TESK2: variants seen among roughly 807,000 people sequenced by gnomAD.
TESK2 encodes the protein dual specificity testis-specific protein kinase 2.
A neutral mutation model predicts 57.1 loss-of-function variants in TESK2; 39 were observed. The ratio of observed to expected loss-of-function variants is 0.68; its 90% CI spans 0.53 to 0.89. The LOEUF is 0.89. Ranked by LOEUF, TESK2 falls within the 40% of genes least tolerant of loss-of-function variation. The pLI, the probability that TESK2 is intolerant of heterozygous loss-of-function variation, is 0.00. For missense variants in TESK2, 646 were observed against 732.1 expected, an observed-to-expected ratio of 0.88 and a Z score of 1.36; for synonymous variants, 249 against 267.9, an observed-to-expected ratio of 0.93 and a Z score of 0.69.
At chr1:45,413,115 C>A (rs527562122) in intron 3 of TESK2, among the ~76,000 whole-genome samples, 3 of 152,146 alleles carry the variant, frequency 2.0e-5, no homozygotes, top group Non-Finnish European at 4.4e-5. Flanking sequence ...GACTTCCTGG[C>A]GTAAACAACC....
At chr1:45,479,945 C>T (rs1315778290) in intron 1 of TESK2, among the ~76,000 whole-genome samples, 3 of 151,084 alleles carry the variant, frequency 2.0e-5, no homozygotes, top group African/African-American at 7.3e-5. Flanking sequence ...GTCTCAGCCT[C>T]CCGAGTAGCT....
At chr1:45,382,849 C>T (rs1305253167) in intron 4 of TESK2, among the ~76,000 whole-genome samples, 1 of 151,978 alleles carries the variant, frequency 6.6e-6, no homozygotes, top group Non-Finnish European at 1.5e-5. Flanking sequence ...GCCTGGGCAA[C>T]AAGAGTGAAA....
intron 2 of TESK2, among the ~76,000 whole-genome samples, chr1:45,453,239 C>T (rs1256525839): frequency 1.3e-5 from 2 of 148,192 alleles, no homozygotes; most frequent in Admixed American, 6.9e-5. Flanking sequence ...CCCAGCTACT[C>T]GGGAGGCTGA....
At chr1:45,396,970 C>T (rs1270149006) in intron 3 of TESK2, among the ~76,000 whole-genome samples, 2 of 151,824 alleles carry the variant, frequency 1.3e-5, no homozygotes, top group Non-Finnish European at 2.9e-5. Context: ...AAGCGTGCAC[C>T]ACCATGCCTG....
At chr1:45,462,670 T>C (rs1246030708) in intron 1 of TESK2, among the ~76,000 whole-genome samples, 1 of 152,218 alleles carries the variant, frequency 6.6e-6, no homozygotes, top group Non-Finnish European at 1.5e-5. Flanking sequence ...TTCCAAATCT[T>C]GGCTATTGTA....
At chr1:45,467,815 C>A (rs1652615023) in intron 1 of TESK2, among the ~76,000 whole-genome samples, 1 of 151,998 alleles carries the variant, frequency 6.6e-6, no homozygotes, top group Admixed American at 6.6e-5. Context: ...ATATATATAT[C>A]TTAGGCTAAA....
chr1:45,427,290 A>G (rs1650739082), intron 2 of TESK2, among the ~76,000 whole-genome samples: 1 of 151,926 alleles, frequency 6.6e-6, no homozygotes, highest in Non-Finnish European at 1.5e-5. Flanking sequence ...AGAAAGGGGT[A>G]AGCCTCGTGC....
At chr1:45,418,957 C>T (rs1650353628) in intron 3 of TESK2, among the ~76,000 whole-genome samples, 1 of 151,252 alleles carries the variant, frequency 6.6e-6, no homozygotes, top group Non-Finnish European at 1.5e-5. Context: ...GGTTCAAGTC[C>T]CCTCCTAGAA....
intron 4 of TESK2, among the ~76,000 whole-genome samples, chr1:45,366,010 T>A (rs1231943345): frequency 6.6e-6 from 1 of 152,078 alleles, no homozygotes; most frequent in Admixed American, 6.6e-5. Context: ...GGTTTCACCA[T>A]GTTGGCCAGG....
chr1:45,351,177 C>T (rs1647225214), intron 5 of TESK2, among the ~76,000 whole-genome samples: 1 of 152,258 alleles, frequency 6.6e-6, no homozygotes, highest in Non-Finnish European at 1.5e-5. Flanking sequence ...TTCTCAGCTG[C>T]CCCCAAGAGC....
chr1:45,466,323 A>G (rs1435335497), intron 1 of TESK2, among the ~76,000 whole-genome samples: 1 of 152,116 alleles, frequency 6.6e-6, no homozygotes, highest in Non-Finnish European at 1.5e-5. Flanking sequence ...AAAAATGCAA[A>G]AAATATCTGG....
At chr1:45,396,821 T>C (rs1289334077) in intron 3 of TESK2, among the ~76,000 whole-genome samples, 1 of 138,400 alleles carries the variant, frequency 7.2e-6, no homozygotes, top group Non-Finnish European at 1.6e-5. Context: ...TTTTTTTTTT[T>C]TTTTTTTGAG....
At position 45,408,274 on chromosome 1, in the gene TESK2, A is replaced by C. The variant is rs758996439; in HGVS notation, c.344+13451T>G. ...TAGTTCAGCTGGACATAGGATTCTA[A>C]GTAGGAAATCATTTTCTCTCAGAAA... On this transcript the variant is annotated intron_variant, in intron 3 of 10. Coordinates refer to ENST00000372086, the MANE Select transcript of TESK2 (RefSeq NM_007170.3). 2.8e-4 allele frequency among the ~76,000 whole-genome samples: 43 copies of C among 152,320 alleles called. 1 individual carries two copies. The Middle Eastern group carries it at 0.034, about 120-fold the overall frequency.
intron 5 of TESK2, 127 bp downstream of exon 5, chr1:45,355,176 C>T (rs12145694): frequency 1.7e-6 from 2 of 1,188,604 alleles, no homozygotes; most frequent in African/African-American, 1.6e-5. Flanking sequence ...TGTAGGCTTT[C>T]TAAGGACTAA....
chr1:45,376,278 T>C lies in TESK2; in HGVS notation c.393+9634A>G, dbSNP rs926122466. ...TGTCACCCAGGATAGAGCATAGTGG[T>C]GTGATTTCGGCTTTGTAGCCTCTGC... On this transcript the variant is annotated intron_variant, in intron 4 of 10. Coordinates refer to ENST00000372086, the MANE Select transcript of TESK2 (RefSeq NM_007170.3). 2.9e-5 allele frequency among the ~76,000 whole-genome samples: 4 copies of C among 139,780 alleles called. No individual in the cohort carries two copies. The East Asian group carries it at 8.7e-4, about 31-fold the overall frequency. 91.7% of individuals were successfully genotyped at this position (139,780 alleles called of 152,430 possible). A position where few individuals can be genotyped will look rare whatever the true frequency, so the allele number is the denominator to read the frequency against.
At chr1:45,470,094 TAA>T (rs1345068412) in intron 1 of TESK2, among the ~76,000 whole-genome samples, 3 of 152,118 alleles carry the variant, frequency 2.0e-5, no homozygotes, top group Non-Finnish European at 4.4e-5. Context: ...ACCCTAGATA[TAA>T]AGAGTAGAAA....
intron 3 of TESK2, among the ~76,000 whole-genome samples, chr1:45,389,091 A>AT (rs1350109906): frequency 6.6e-6 from 1 of 152,154 alleles, no homozygotes; most frequent in Non-Finnish European, 1.5e-5. Flanking sequence ...TTAATGGATT[A>AT]TTGCAGGAAT....
chr1:45,359,856 T>A (rs1383708714), intron 4 of TESK2, among the ~76,000 whole-genome samples: 2 of 152,096 alleles, frequency 1.3e-5, no homozygotes, highest in Non-Finnish European at 2.9e-5. Flanking sequence ...AGGGTGAGAC[T>A]CTGTCTCAAA....
intron 4 of TESK2, among the ~76,000 whole-genome samples, chr1:45,357,559 T>TAA (rs775657953): frequency 1.2e-4 from 14 of 115,028 alleles, no homozygotes; most frequent in South Asian, 2.7e-4. Flanking sequence ...GCTTTTTTAG[T>TAA]AAAAAAAAAA....
Sources: gnomAD v4.1 joint callset for allele counts (sites outside exome capture counted in the v4.1 genomes callset) on GRCh38, gnomAD v4.1.1 for gene constraint, MANE v1.5 for transcripts, NCBI Gene and HGNC (gene_info 2026-07-23, HGNC 2026-07-21) for gene names.